Variants in DGKI observed in about 807,000 individuals in gnomAD.
DGKI encodes the protein DAG kinase iota.
In DGKI, 55 loss-of-function variants were observed where a neutral mutation model predicts 147.5. That is an observed-to-expected ratio of 0.37 (90% CI 0.30 to 0.47). The LOEUF is 0.47. DGKI is among the 20% of genes least tolerant of loss of function. The pLI is 1.00. For synonymous variants in DGKI, 469 were observed against 477.1 expected, an observed-to-expected ratio of 0.98 and a Z score of 0.22; for missense variants, 1,007 against 1,323.8, an observed-to-expected ratio of 0.76 and a Z score of 3.71.
intron 2 of DGKI, among the ~76,000 whole-genome samples, chr7:137,685,834 G>A (rs1431265711): frequency 6.6e-6 from 1 of 152,114 alleles, no homozygotes; most frequent in Admixed American, 6.6e-5. Flanking sequence ...TTTAAAGACA[G>A]TTACTTGGGA....
At chr7:137,506,059 C>T (rs1264648093) in intron 21 of DGKI, among the ~76,000 whole-genome samples, 1 of 152,162 alleles carries the variant, frequency 6.6e-6, no homozygotes, top group African/African-American at 2.4e-5. Flanking sequence ...CAGTTTCTCA[C>T]AAAACTAAAT....
chr7:137,603,783 A>C (rs1268849508), intron 10 of DGKI, among the ~76,000 whole-genome samples: 1 of 152,262 alleles, frequency 6.6e-6, no homozygotes, highest in East Asian at 1.9e-4. Flanking sequence ...GTAAAGGCAC[A>C]AAAGGTGTGA....
chr7:137,403,229 C>T (rs370091043), intron 30 of DGKI, among the ~76,000 whole-genome samples: 1 of 152,278 alleles, frequency 6.6e-6, no homozygotes, highest in African/African-American at 2.4e-5. Flanking sequence ...CTCTTTTCAA[C>T]TCTCTAAATG....
intron 6 of DGKI, among the ~76,000 whole-genome samples, chr7:137,632,450 T>C (rs1821153710): frequency 6.6e-6 from 1 of 152,222 alleles, no homozygotes; most frequent in South Asian, 2.1e-4. Context: ...GGTAGTTGTA[T>C]GCTGAGGAGA....
chr7:137,770,534 G>GTTTTTTTT lies in DGKI; in HGVS notation c.401+75920_401+75927dup, dbSNP rs1396125188. The stretch of plus-strand genomic sequence containing the variant: ...AAAATCAATAAATTATACTCAGTGG[G>GTTTTTTTT]TTTTTTTTTTTTTTTTTGAGACGGA... On this transcript the variant is annotated intron_variant, in intron 1 of 32. Transcript: ENST00000614521. Among the ~76,000 whole-genome samples, 5 of 101,418 alleles carry GTTTTTTTT rather than the reference G, an allele frequency of 4.9e-5. 1 individual carries two copies. Among genetic ancestry groups the GTTTTTTTT allele is most frequent in the African/African-American group, 3.6e-4 (5 of 13,902 alleles). The allele number at this position is 101,418 out of a possible 152,430, so 66.5% of individuals were successfully genotyped here.
In DGKI at chr7:137,586,491, T is replaced by C. The variant is rs77810140; in HGVS notation, c.1425+606A>G. On this transcript the variant is annotated intron_variant, in intron 13 of 32. Transcript: ENST00000614521. ...TATGCATATGTATATATACACAGTG[T>C]GTGTATATATATTGCGCCTTCTTAC... Among the ~76,000 whole-genome samples, 110 of 152,164 alleles carry C rather than the reference T, an allele frequency of 7.2e-4. 1 individual carries two copies. Among genetic ancestry groups the C allele is most frequent in the African/African-American group, 2.6e-3 (108 of 41,514 alleles).
At chr7:137,760,859 T>G (rs1241017464) in intron 1 of DGKI, among the ~76,000 whole-genome samples, 1 of 152,114 alleles carries the variant, frequency 6.6e-6, no homozygotes, top group Non-Finnish European at 1.5e-5. Context: ...CCTCCTTCCT[T>G]CCAGTCCAGA....
intron 28 of DGKI, among the ~76,000 whole-genome samples, chr7:137,439,774 T>C (rs934635598): frequency 5.9e-5 from 9 of 152,048 alleles, no homozygotes; most frequent in Non-Finnish European, 1.3e-4. Context: ...ATGTCCACTA[T>C]GTTACTGCTG....
In DGKI at chr7:137,415,102, C is replaced by G. The variant is rs142989398; in HGVS notation, c.2762-2895G>C. On this transcript the variant is annotated intron_variant, in intron 28 of 32. Coordinates refer to ENST00000614521, the MANE Select transcript of DGKI (RefSeq NM_001321708.2). ...AGACATATCTCTGTTAATATAGAACCCATCGGATTAGAAGCACAGATAATG... is the reference window on the plus strand; with the variant it reads ...AGACATATCTCTGTTAATATAGAACGCATCGGATTAGAAGCACAGATAATG... Among the ~76,000 whole-genome samples, 3 of 151,890 alleles carry G rather than the reference C, an allele frequency of 2.0e-5. No homozygotes were observed. In the East Asian group the frequency reaches 5.8e-4, roughly 29 times the overall value.
At chr7:137,417,828 T>C (rs1487328486) in intron 28 of DGKI, among the ~76,000 whole-genome samples, 1 of 152,226 alleles carries the variant, frequency 6.6e-6, no homozygotes. Flanking sequence ...CAGTTTTCAT[T>C]TCTTTTTGCT....
At chr7:137,811,404 A>T (rs1260104299) in intron 1 of DGKI, among the ~76,000 whole-genome samples, 4 of 151,496 alleles carry the variant, frequency 2.6e-5, no homozygotes, top group Non-Finnish European at 5.9e-5. Flanking sequence ...ACACACACAC[A>T]CACACACACA....
chr7:137,464,020 T>A (rs2128925526), intron 26 of DGKI, among the ~76,000 whole-genome samples: 1 of 152,086 alleles, frequency 6.6e-6, no homozygotes, highest in African/African-American at 2.4e-5. Flanking sequence ...TCAGGCTACT[T>A]TATTTTTGGA....
At chr7:137,599,165 A>AGT (rs1227181804) in intron 11 of DGKI, among the ~76,000 whole-genome samples, 3 of 152,198 alleles carry the variant, frequency 2.0e-5, no homozygotes, top group Non-Finnish European at 4.4e-5. Context: ...GAACAGCAGA[A>AGT]GTGTCCTTGG....
At chr7:137,551,527 C>A (rs1269538345) in intron 20 of DGKI, among the ~76,000 whole-genome samples, 1 of 152,130 alleles carries the variant, frequency 6.6e-6, no homozygotes, top group South Asian at 2.1e-4. Flanking sequence ...TGACAAAAGG[C>A]TAAGTCCTGA....
chr7:137,801,002 GAATGTTGTTC>G (rs1797188453), intron 1 of DGKI, among the ~76,000 whole-genome samples: 1 of 152,224 alleles, frequency 6.6e-6, no homozygotes, highest in Admixed American at 6.5e-5. Flanking sequence ...ATCCCAAAAT[GAATGTTGTTC>G]AACAGTGATC....
chr7:137,535,952 T>A (rs1204262524), intron 20 of DGKI, among the ~76,000 whole-genome samples: 2 of 152,290 alleles, frequency 1.3e-5, no homozygotes, highest in East Asian at 3.9e-4. Flanking sequence ...GTGCTATTTT[T>A]ACCTGAAATT....
At chr7:137,609,395 T>C (rs1274713462) in intron 9 of DGKI, 140 bp downstream of exon 9, 2 of 657,984 alleles carry the variant, frequency 3.0e-6, no homozygotes, top group Admixed American at 2.9e-5. Context: ...GAAAGAATCC[T>C]ATTGTGGTTA....
chr7:137,843,134 C>T (rs1798595000), intron 1 of DGKI, among the ~76,000 whole-genome samples: 1 of 152,046 alleles, frequency 6.6e-6, no homozygotes, highest in Non-Finnish European at 1.5e-5. Context: ...TTAATTAAGA[C>T]AGAATATACA....
intron 1 of DGKI, among the ~76,000 whole-genome samples, chr7:137,711,180 A>G (rs1006097278): frequency 6.6e-6 from 1 of 152,222 alleles, no homozygotes; most frequent in Non-Finnish European, 1.5e-5. Context: ...GTTCATCACT[A>G]TGGAAAACAG....
Sources: gnomAD v4.1 joint callset for allele counts (sites outside exome capture counted in the v4.1 genomes callset) on GRCh38, gnomAD v4.1.1 for gene constraint, MANE v1.5 for transcripts, NCBI Gene and HGNC (gene_info 2026-07-23, HGNC 2026-07-21) for gene names.